The following AGMO variants were observed in gnomAD, a reference collection of about 807,000 sequenced individuals.
AGMO encodes alkylglycerol monooxygenase.
AGMO carries 75 observed loss-of-function variants against 60.2 expected under a neutral mutation model. The observed-to-expected ratio is 1.25, with a 90% CI of 1.03 to 1.51. The LOEUF (loss-of-function observed/expected upper bound fraction) is 1.51, where lower values mean the gene tolerates loss of function less well. Ranked by LOEUF, AGMO falls within the 40% of genes most tolerant of loss-of-function variation. The pLI, the probability that AGMO is intolerant of heterozygous loss-of-function variation, is 0.00. For missense variants in AGMO, 763 were observed against 525.5 expected (o/e 1.45, Z -4.42); for synonymous variants, 261 against 177.1 (o/e 1.47, Z -3.76).
chr7:15,397,950 G>A (rs1268821896), intron 5 of AGMO, among the ~76,000 whole-genome samples: 2 of 152,144 alleles, frequency 1.3e-5, no homozygotes, highest in Non-Finnish European at 2.9e-5. Context: ...TATTTGTTAA[G>A]AAAAATGGTG....
At position 15,390,912 on chromosome 7, in the gene AGMO, G is replaced by C. The variant is rs751295715; in HGVS notation, c.677-7C>G. 8 of 1,566,220 alleles carry C rather than the reference G, an allele frequency of 5.1e-6. No homozygotes were observed. Among genetic ancestry groups the C allele is most frequent in the Non-Finnish European group, 6.1e-6 (7 of 1,153,118 alleles). On this transcript the variant is annotated splice_polypyrimidine_tract_variant and splice_region_variant and intron_variant, in intron 6 of 12. Coordinates refer to ENST00000342526, the MANE Select transcript of AGMO (RefSeq NM_001004320.2). ...ATGCAATAACGATTTCTGCCTATGA[G>C]ACAAAATATTAGAAATTTTTTTTCA...
At position 15,233,555 on chromosome 7, in the gene AGMO, T is replaced by C. The variant is rs181281210; in HGVS notation, c.1264-32196A>G. Reference sequence around the variant, plus strand: ...CTTAATGGTTACAGAGAGTTGTTTTTTTTTTTCCCCCCTTTGGATGATGGA... The same window carrying C: ...CTTAATGGTTACAGAGAGTTGTTTTCTTTTTTCCCCCCTTTGGATGATGGA... On this transcript the variant is annotated intron_variant, in intron 12 of 12. Coordinates refer to ENST00000342526, the MANE Select transcript of AGMO (RefSeq NM_001004320.2). 5.5e-3 allele frequency among the ~76,000 whole-genome samples: 828 copies of C among 151,868 alleles called. 6 individuals are homozygous for C. Among genetic ancestry groups the C allele is most frequent in the Admixed American group, 0.013 (198 of 15,262 alleles).
the AGMO span, among the ~76,000 whole-genome samples, chr7:15,184,423 A>AGG: frequency 1.2e-4 from 15 of 130,406 alleles, no homozygotes; most frequent in African/African-American, 3.2e-4. Flanking sequence ...GAAGGAAGGA[A>AGG]AAGAAGGAAG....
At chr7:15,151,281 G>T in the AGMO span, among the ~76,000 whole-genome samples, 1 of 151,888 alleles carries the variant, frequency 6.6e-6, no homozygotes, top group African/African-American at 2.4e-5. Flanking sequence ...CAAACTTTTC[G>T]TTTCAGTGAT....
the AGMO span, among the ~76,000 whole-genome samples, chr7:15,159,103 C>T: frequency 2.0e-5 from 3 of 152,016 alleles, no homozygotes; most frequent in East Asian, 1.9e-4. Flanking sequence ...ATTATATTCT[C>T]TTTGTATTTT....
intron 12 of AGMO, 149 bp downstream of exon 12, chr7:15,365,365 A>C: frequency 2.2e-6 from 1 of 457,208 alleles, no homozygotes; most frequent in Non-Finnish European, 3.8e-6. Flanking sequence ...GACACAACTA[A>C]CAAGTACTGG....
chr7:15,192,665 C>A, the AGMO span, among the ~76,000 whole-genome samples: 2 of 152,142 alleles, frequency 1.3e-5, no homozygotes, highest in African/African-American at 4.8e-5. Flanking sequence ...ACTTAGCCAT[C>A]CCTAGACAGC....
intron 12 of AGMO, among the ~76,000 whole-genome samples, chr7:15,261,164 G>C (rs1038443762): frequency 6.6e-6 from 1 of 151,702 alleles, no homozygotes; most frequent in Non-Finnish European, 1.5e-5. Context: ...AATAATCAGA[G>C]CAGAACTAAA....
chr7:15,322,971 A>ATG (rs200543643), intron 12 of AGMO, among the ~76,000 whole-genome samples: 1,370 of 58,172 alleles, frequency 0.024, 19 homozygotes, highest in African/African-American at 0.11. Flanking sequence ...GTGTGTGTAT[A>ATG]TATATATGTA....
chr7:15,230,904 T>C (rs992577340), intron 12 of AGMO, among the ~76,000 whole-genome samples: 2 of 152,126 alleles, frequency 1.3e-5, no homozygotes, highest in African/African-American at 2.4e-5. Context: ...ATGGGGGAAA[T>C]GGAACGAGGG....
At chr7:15,327,488 G>C (rs993367310) in intron 12 of AGMO, among the ~76,000 whole-genome samples, 1 of 152,046 alleles carries the variant, frequency 6.6e-6, no homozygotes, top group African/African-American at 2.4e-5. Context: ...AAGATCATTT[G>C]TTCAACACCT....
chr7:15,443,938 A>T (rs139808606), intron 3 of AGMO, among the ~76,000 whole-genome samples: 117 of 152,122 alleles, frequency 7.7e-4, no homozygotes, highest in African/African-American at 2.5e-3. Flanking sequence ...TGCATATGTC[A>T]TTTTCTTCAA....
chr7:15,153,227 AG>A, the AGMO span, among the ~76,000 whole-genome samples: 6 of 150,132 alleles, frequency 4.0e-5, no homozygotes, highest in East Asian at 1.2e-3. Flanking sequence ...AACTCTTTGT[AG>A]ATTGTGCATA....
At chr7:15,290,012 C>T (rs1305525411) in intron 12 of AGMO, among the ~76,000 whole-genome samples, 1 of 80,836 alleles carries the variant, frequency 1.2e-5, no homozygotes, top group African/African-American at 4.9e-5. Context: ...ACAGTGCAGT[C>T]TTTGGTCCAC....
chr7:15,180,496 G>C, the AGMO span, among the ~76,000 whole-genome samples: 2 of 152,014 alleles, frequency 1.3e-5, no homozygotes, highest in African/African-American at 4.8e-5. Flanking sequence ...GGTGAGGTGT[G>C]AGACCTCACC....
intron 12 of AGMO, among the ~76,000 whole-genome samples, chr7:15,312,233 G>A (rs941099014): frequency 1.1e-4 from 16 of 152,058 alleles, no homozygotes; most frequent in Non-Finnish European, 1.6e-4. Flanking sequence ...AGTCTTCTAG[G>A]ACTGATATAA....
At chr7:15,188,299 A>G in the AGMO span, among the ~76,000 whole-genome samples, 1 of 152,206 alleles carries the variant, frequency 6.6e-6, no homozygotes, top group African/African-American at 2.4e-5. Context: ...TCAGCCAAGA[A>G]AAGAGTATAT....
the AGMO span, among the ~76,000 whole-genome samples, chr7:15,161,707 A>G: frequency 6.6e-5 from 10 of 151,502 alleles, no homozygotes; most frequent in Non-Finnish European, 1.3e-4. Flanking sequence ...GTGTGTGTAT[A>G]CATACACACA....
rs1183931058 is a variant in AGMO at position 15,322,693 on chromosome 7, TG to T, written c.1263+42820del. ...ATAAATATATGTATATATAAATATA[TG>T]AATATGTATAAATATATATAAATAT... On this transcript the variant is annotated intron_variant, in intron 12 of 12. Transcript: ENST00000342526. Among the ~76,000 whole-genome samples, 35 of 53,820 alleles carry T rather than the reference TG, an allele frequency of 6.5e-4. 7 individuals are homozygous for T. Among genetic ancestry groups the T allele is most frequent in the African/African-American group, 3.7e-3 (28 of 7,478 alleles). 35.3% of individuals were successfully genotyped at this position (53,820 alleles called of 152,430 possible). A position where few individuals can be genotyped will look rare whatever the true frequency, so the allele number is the denominator to read the frequency against.
Sources: gnomAD v4.1 joint callset for allele counts (sites outside exome capture counted in the v4.1 genomes callset) on GRCh38, gnomAD v4.1.1 for gene constraint, MANE v1.5 for transcripts, NCBI Gene and HGNC (gene_info 2026-07-23, HGNC 2026-07-21) for gene names.